The following PTPRN2 variants were observed in gnomAD, a reference collection of about 807,000 sequenced individuals.
PTPRN2 encodes the protein protein tyrosine phosphatase receptor type N2.
Under a neutral mutation model 118.8 loss-of-function variants are expected in PTPRN2, and 74 were observed. The observed-to-expected ratio is 0.62, with a 90% CI of 0.52 to 0.76. The LOEUF (loss-of-function observed/expected upper bound fraction) is 0.76, where lower values mean the gene tolerates loss of function less well. Among genes scored for constraint, PTPRN2 ranks in the 30% least tolerant of loss-of-function variants. The pLI is 0.00. For missense variants in PTPRN2, 1,481 were observed against 1,394.4 expected (o/e 1.06, Z -0.99); for synonymous variants, 641 against 608.0 (o/e 1.05, Z -0.80).
intron 2 of PTPRN2, among the ~76,000 whole-genome samples, chr7:158,348,806 G>A (rs1279966280): frequency 6.6e-6 from 1 of 152,202 alleles, no homozygotes; most frequent in Non-Finnish European, 1.5e-5. Context: ...CCATCCTGGA[G>A]CCTCCTGGAC....
At chr7:157,741,357 G>A (rs1800622646) in intron 12 of PTPRN2, among the ~76,000 whole-genome samples, 1 of 152,230 alleles carries the variant, frequency 6.6e-6, no homozygotes, top group African/African-American at 2.4e-5. Flanking sequence ...GAGAATTGGT[G>A]AAGGAAGGCA....
chr7:157,783,433 TC>T (rs1803808690), intron 12 of PTPRN2, among the ~76,000 whole-genome samples: 1 of 151,016 alleles, frequency 6.6e-6, no homozygotes, highest in Non-Finnish European at 1.5e-5. Context: ...CGAACGCATG[TC>T]TGAGCCTGAT....
intron 2 of PTPRN2, among the ~76,000 whole-genome samples, chr7:158,488,591 C>G (rs933756815): frequency 5.9e-5 from 9 of 152,350 alleles, no homozygotes; most frequent in African/African-American, 1.9e-4. Context: ...CTCGGCTCCC[C>G]CTGGATGCAC....
intron 14 of PTPRN2, among the ~76,000 whole-genome samples, chr7:157,654,240 C>T (rs1316018266): frequency 4.5e-5 from 6 of 133,998 alleles, no homozygotes; most frequent in East Asian, 2.3e-4. Flanking sequence ...ACCCCGACTC[C>T]GCACGATGCC....
intron 10 of PTPRN2, 86 bp from the exon 11 acceptor site, chr7:158,081,463 G>A: frequency 7.3e-7 from 1 of 1,376,462 alleles, no homozygotes. Context: ...ACACTGGTGT[G>A]TTTTTAAAAA....
chr7:157,945,346 A>G (rs1421097686), intron 11 of PTPRN2, among the ~76,000 whole-genome samples: 6 of 151,610 alleles, frequency 4.0e-5, no homozygotes, highest in Non-Finnish European at 8.8e-5. Context: ...CCCCATGGGC[A>G]CACTGACCCC....
chr7:158,511,786 G>A (rs1357230509), intron 1 of PTPRN2, among the ~76,000 whole-genome samples: 2 of 152,178 alleles, frequency 1.3e-5, no homozygotes, highest in Non-Finnish European at 2.9e-5. Context: ...AAAGAGCCAG[G>A]GTTCCCACAT....
intron 11 of PTPRN2, among the ~76,000 whole-genome samples, chr7:158,077,210 G>A (rs1221877085): frequency 6.6e-6 from 1 of 152,112 alleles, no homozygotes; most frequent in Non-Finnish European, 1.5e-5. Flanking sequence ...AGAGAGGAGG[G>A]GAGCCTCTTC....
chr7:157,795,166 G>T (rs913708850), intron 12 of PTPRN2, among the ~76,000 whole-genome samples: 78 of 135,928 alleles, frequency 5.7e-4, no homozygotes, highest in African/African-American at 2.0e-3. Context: ...GGGGTCGGGG[G>T]CGGGGGGGGC....
chr7:158,509,841 G>A lies in PTPRN2; in HGVS notation c.113-20056C>T, dbSNP rs192871449. 1.4e-3 allele frequency among the ~76,000 whole-genome samples: 214 copies of A among 152,338 alleles called. 1 individual carries two copies. The highest frequency in any genetic ancestry group is 0.01 in the South Asian group (49 of 4,828). The stretch of plus-strand genomic sequence containing the variant: ...GCTCTGTTCCATGGCCGAGAGGGCT[G>A]TAAGTGATTTGGTGCATCTTAGATA... On this transcript the variant is annotated intron_variant, in intron 1 of 22. Transcript: ENST00000389418. The surrounding 1 kb of genome is among the most constrained non-coding windows in gnomAD (Gnocchi z 4.4).
At chr7:158,149,197 G>T (rs1006383785) in intron 6 of PTPRN2, among the ~76,000 whole-genome samples, 22 of 144,580 alleles carry the variant, frequency 1.5e-4, no homozygotes, top group Non-Finnish European at 1.5e-5. Context: ...TCCTCCTCAA[G>T]TGCACGAGTG....
chr7:158,094,924 G>A lies in PTPRN2; in HGVS notation c.1644-13547C>T, dbSNP rs1814509665. Among the ~76,000 whole-genome samples, 3 of 152,092 alleles carry A rather than the reference G, an allele frequency of 2.0e-5. No individual in the cohort carries two copies. The South Asian group carries it at 6.2e-4, about 32-fold the overall frequency. On this transcript the variant is annotated intron_variant, in intron 10 of 22. Transcript: ENST00000389418. ...TTCTTGTTTTACTTTTGTTTCTCTG[G>A]ACACGCAGGCTGCTAACTCCCGAAG...
intron 2 of PTPRN2, among the ~76,000 whole-genome samples, chr7:158,332,887 A>G (rs1804783253): frequency 6.8e-6 from 1 of 147,528 alleles, no homozygotes; most frequent in African/African-American, 2.6e-5. Context: ...AAGAAGTGAC[A>G]CCTGCAAACG....
intron 12 of PTPRN2, among the ~76,000 whole-genome samples, chr7:157,832,383 C>T (rs1207297176): frequency 6.6e-6 from 1 of 152,172 alleles, no homozygotes; most frequent in Admixed American, 6.5e-5. Flanking sequence ...GGAAGGTTGC[C>T]TTTGTAAACT....
chr7:157,916,465 A>G (rs1373720660), intron 11 of PTPRN2, among the ~76,000 whole-genome samples: 1 of 152,250 alleles, frequency 6.6e-6, no homozygotes, highest in Non-Finnish European at 1.5e-5. Context: ...TTAACACAAC[A>G]AACTGCTCTC....
chr7:157,965,913 G>A (rs570325959), intron 11 of PTPRN2, among the ~76,000 whole-genome samples: 1 of 152,294 alleles, frequency 6.6e-6, no homozygotes, highest in East Asian at 1.9e-4. Context: ...GCCCTCGAGA[G>A]CCACTGAACG....
Position 157,763,873 on chromosome 7 carries a change from C to T in PTPRN2, c.1789-80936G>A, listed in dbSNP as rs765048958. Among the ~76,000 whole-genome samples the T allele has an allele frequency of 6.6e-6, 1 of 152,090 alleles. No homozygotes were observed. Among genetic ancestry groups the T allele is most frequent in the African/African-American group, 2.4e-5 (1 of 41,414 alleles). On this transcript the variant is annotated intron_variant, in intron 12 of 22. Coordinates refer to ENST00000389418, the MANE Select transcript of PTPRN2 (RefSeq NM_002847.5). The surrounding 1 kb of genome is among the most constrained non-coding windows in gnomAD (Gnocchi z 4.9). The stretch of plus-strand genomic sequence containing the variant: ...GGCTGCCCCATCCCCCAGAGCACCA[C>T]GGTGCCCACCTTTTGTTTTCAGAGA...
chr7:157,714,738 T>C (rs1798815181), intron 12 of PTPRN2, among the ~76,000 whole-genome samples: 1 of 152,220 alleles, frequency 6.6e-6, no homozygotes, highest in Non-Finnish European at 1.5e-5. Flanking sequence ...TTTCCCGTTT[T>C]CTAAAGCCAG....
intron 2 of PTPRN2, among the ~76,000 whole-genome samples, chr7:158,475,761 G>A (rs569707201): frequency 1.3e-5 from 2 of 152,148 alleles, no homozygotes; most frequent in South Asian, 2.1e-4. Flanking sequence ...CCTGGAGACC[G>A]TCTTGGTTAA....
Sources: allele counts gnomAD v4.1 joint callset (sites outside exome capture counted in the v4.1 genomes callset), GRCh38; gene constraint gnomAD v4.1.1; non-coding constraint Gnocchi (gnomAD v3.1); transcripts MANE v1.5; gene names NCBI Gene and HGNC (gene_info 2026-07-23, HGNC 2026-07-21).